The following VHL variants were observed in gnomAD, a reference collection of about 807,000 sequenced individuals.
VHL encodes von Hippel-Lindau tumor suppressor.
A neutral mutation model predicts 19.2 loss-of-function variants in VHL; 10 were observed. That is an observed-to-expected ratio of 0.52 (90% CI 0.32 to 0.89). VHL has a LOEUF of 0.89. VHL is among the 40% of genes least tolerant of loss of function. The pLI is 0.03. For missense variants in VHL, 328 were observed against 292.7 expected, an observed-to-expected ratio of 1.12 and a Z score of -0.88; for synonymous variants, 167 against 129.5, an observed-to-expected ratio of 1.29 and a Z score of -1.97.
intron 2 of VHL, among the ~76,000 whole-genome samples, chr3:10,148,439 CA>C (rs1315542642): frequency 2.0e-5 from 3 of 148,454 alleles, no homozygotes; most frequent in East Asian, 4.0e-4. Context: ...CTCAGCCTCC[CA>C]AGTAGCTGGG....
rs876659313 is a variant in VHL, at chr3:10,146,624, A to G, written c.451A>G (p.Ile151Val). 1 of 1,613,892 alleles carries G rather than the reference A, an allele frequency of 6.2e-7. No homozygotes were observed. The highest frequency in any genetic ancestry group is 8.5e-7 in the Non-Finnish European group (1 of 1,179,822). Residue 151 changes from isoleucine to valine, a missense_variant, in exon 2 of 3, where the codon ATC (isoleucine) becomes GTC (valine). Transcript: ENST00000256474. Reference protein sequence around the residue: ...NVDGQPIFANITLPVYTLKER... With the variant: ...NVDGQPIFANVTLPVYTLKER... ...TGACGGACAGCCTATTTTTGCCAAT[A>G]TCACACTGCCAGGTACTGACGTTTT...
chr3:10,146,657 A>G lies in VHL; in HGVS notation c.463+21A>G, dbSNP rs1696268316. ...GCCAGGTACTGACGTTTTACTTTTT[A>G]AAAAGATAAGGTTGTTGTGGTAAGT... On this transcript the variant is annotated intron_variant, in intron 2 of 2. Coordinates refer to ENST00000256474, the MANE Select transcript of VHL (RefSeq NM_000551.4). 6 of 1,612,718 alleles carry G rather than the reference A, an allele frequency of 3.7e-6. No individual in the cohort carries two copies. Among genetic ancestry groups the G allele is most frequent in the East Asian group, 4.5e-5 (2 of 44,842 alleles).
chr3:10,142,340 T>TC, intron 1 of VHL, among the ~76,000 whole-genome samples, 153 bp downstream of exon 1: 1 of 108,560 alleles, frequency 9.2e-6, no homozygotes, highest in African/African-American at 4.1e-5. Context: ...GTCAGAGCAT[T>TC]CTTTTTTTTT....
chr3:10,143,534 G>A (rs1210396643), intron 1 of VHL, among the ~76,000 whole-genome samples: 1 of 152,114 alleles, frequency 6.6e-6, no homozygotes, highest in African/African-American at 2.4e-5. Flanking sequence ...TGCAATCTCC[G>A]ACTCCCTGGT....
intron 1 of VHL, among the ~76,000 whole-genome samples, chr3:10,144,934 A>C (rs574959837): frequency 2.0e-5 from 3 of 152,168 alleles, no homozygotes; most frequent in African/African-American, 7.2e-5. Context: ...TACATTTAAA[A>C]ATGGTTAAAA....
chr3:10,142,940 G>A lies in VHL; in HGVS notation c.340+753G>A, dbSNP rs2125126065. On this transcript the variant is annotated intron_variant, in intron 1 of 2. Coordinates refer to ENST00000256474, the MANE Select transcript of VHL (RefSeq NM_000551.4). ...TACCTGCCTGCTGGGAGATGGAGGG[G>A]TTGCGGTTGTGTGGTTTCAGTTAAG... 1 of 152,748 alleles carries A rather than the reference G, an allele frequency of 6.5e-6. No individual in the cohort carries two copies. The highest frequency in any genetic ancestry group is 2.1e-4 in the South Asian group (1 of 4,842). The allele number at this position is 152,748 out of a possible 1,614,324, so 9.5% of individuals were successfully genotyped here. A position where few individuals can be genotyped will look rare whatever the true frequency, so the allele number is the denominator to read the frequency against.
chr3:10,142,341 C>CTTTTTT lies in VHL; in HGVS notation c.340+169_340+174dup, dbSNP rs556405301. On this transcript the variant is annotated intron_variant, in intron 1 of 2. Transcript: ENST00000256474. ...CGCTGCTCGTAAGCGTCAGAGCATTCTTTTTTTTTTTTTTTTTTTTCTGAG... is the reference window on the plus strand; with the variant it reads ...CGCTGCTCGTAAGCGTCAGAGCATTCTTTTTTTTTTTTTTTTTTTTTTTTTTCTGAG... Among the ~76,000 whole-genome samples the CTTTTTT allele has an allele frequency of 6.0e-4, 65 of 107,894 alleles. 2 individuals carry two copies. Among genetic ancestry groups the CTTTTTT allele is most frequent in the Non-Finnish European group, 8.2e-4 (47 of 57,294 alleles). The allele number at this position is 107,894 out of a possible 152,430, so 70.8% of individuals were successfully genotyped here. A position where few individuals can be genotyped will look rare whatever the true frequency, so the allele number is the denominator to read the frequency against.
At chr3:10,145,251 C>T (rs1469823299) in intron 1 of VHL, among the ~76,000 whole-genome samples, 1 of 151,992 alleles carries the variant, frequency 6.6e-6, no homozygotes, top group Non-Finnish European at 1.5e-5. Flanking sequence ...TAAAAAATTA[C>T]AAGTTTACAT....
Position 10,142,275 on chromosome 3 carries a change from G to A in VHL, c.340+88G>A, listed in dbSNP as rs1696143771. The A allele has an allele frequency of 2.7e-6, 4 of 1,466,936 alleles. No individual in the cohort carries two copies. In the South Asian group the frequency reaches 3.6e-5, roughly 13 times the overall value. 90.9% of individuals were successfully genotyped at this position (1,466,936 alleles called of 1,614,324 possible). A position where few individuals can be genotyped will look rare whatever the true frequency, so the allele number is the denominator to read the frequency against. ...CCGCCCCGGGGTCCATTTTGCAGAC[G>A]GGGAACTGAGGCCCCTTGAGGCAGG... On this transcript the variant is annotated intron_variant, in intron 1 of 2. Transcript: ENST00000256474.
Position 10,141,895 on chromosome 3 carries a change from G to A in VHL, c.48G>A (p.Glu16=), listed in dbSNP as rs1057522140. Residue 16 remains glutamate, a synonymous_variant, in exon 1 of 3, where the codon GAG becomes GAA. Coordinates refer to ENST00000256474, the MANE Select transcript of VHL (RefSeq NM_000551.4). ...ENWDEAEVGA[E]EAGVEEYGPE... ...GGGACGAGGCCGAGGTAGGCGCGGA[G>A]GAGGCAGGCGTCGAAGAGTACGGCC... 8 of 1,532,586 alleles carry A rather than the reference G, an allele frequency of 5.2e-6. 1 individual carries two copies. The Admixed American group carries it at 1.4e-4, about 27-fold the overall frequency. The allele number at this position is 1,532,586 out of a possible 1,614,324, so 94.9% of individuals were successfully genotyped here. A position where few individuals can be genotyped will look rare whatever the true frequency, so the allele number is the denominator to read the frequency against.
rs971049293 is a variant in VHL, at chr3:10,151,164, G to A, written c.*1199G>A. ...CAAAATGGTGGGATTACAGGTGTGTGGGCCACCGTGCCTGGCTGATTCAGC... is the reference window on the plus strand; with the variant it reads ...CAAAATGGTGGGATTACAGGTGTGTAGGCCACCGTGCCTGGCTGATTCAGC... On this transcript the variant is annotated 3_prime_UTR_variant, in exon 3 of 3. Coordinates refer to ENST00000256474, the MANE Select transcript of VHL (RefSeq NM_000551.4). 1.0e-5 allele frequency: 2 copies of A among 192,866 alleles called. No individual in the cohort carries two copies. Among genetic ancestry groups the A allele is most frequent in the East Asian group, 8.3e-5 (1 of 12,040 alleles). The allele number at this position is 192,866 out of a possible 1,614,324, so 11.9% of individuals were successfully genotyped here. A position where few individuals can be genotyped will look rare whatever the true frequency, so the allele number is the denominator to read the frequency against.
intron 2 of VHL, among the ~76,000 whole-genome samples, chr3:10,147,999 G>C (rs920277083): frequency 1.3e-5 from 2 of 151,940 alleles, no homozygotes; most frequent in African/African-American, 4.8e-5. Flanking sequence ...GGGAGGCTTA[G>C]GTGGGAGGAT....
chr3:10,149,362 G>A (rs571054905), intron 2 of VHL, among the ~76,000 whole-genome samples: 1 of 152,104 alleles, frequency 6.6e-6, no homozygotes, highest in Admixed American at 6.6e-5. Flanking sequence ...ATCTACTGAC[G>A]TTGGCCTCCC....
rs755146587 is a variant in VHL at position 10,149,855 on chromosome 3, C to T, written c.532C>T (p.Leu178=). The T allele has an allele frequency of 5.6e-6, 9 of 1,614,196 alleles. No individual in the cohort carries two copies. The highest frequency in any genetic ancestry group is 2.2e-5 in the East Asian group (1 of 44,884). The change falls in exon 3 of 3, where the codon CTG becomes TTG. Residue 178 remains leucine, a synonymous_variant. Transcript: ENST00000256474. The part of the protein sequence containing the change: ...SLVKPENYRR[L]DIVRSLYEDL... Reference sequence around the variant, plus strand: ...AGTCAAGCCTGAGAATTACAGGAGACTGGACATCGTCAGGTCGCTCTACGA... The same window carrying T: ...AGTCAAGCCTGAGAATTACAGGAGATTGGACATCGTCAGGTCGCTCTACGA...
In VHL at chr3:10,152,892, C is replaced by A. The variant is rs1422311445; in HGVS notation, c.*2927C>A. On this transcript the variant is annotated 3_prime_UTR_variant, in exon 3 of 3. Coordinates refer to ENST00000256474, the MANE Select transcript of VHL (RefSeq NM_000551.4). The stretch of plus-strand genomic sequence containing the variant: ...GCACAGTGGCTCATGCCTGTAATCC[C>A]AGCATTTTGGGAGACCAAGGCGGAT... Among the ~76,000 whole-genome samples, 1 of 152,162 alleles carries A rather than the reference C, an allele frequency of 6.6e-6. No individual in the cohort carries two copies. Among genetic ancestry groups the A allele is most frequent in the Non-Finnish European group, 1.5e-5 (1 of 68,032 alleles).
intron 2 of VHL, among the ~76,000 whole-genome samples, chr3:10,149,168 A>G (rs1310861277): frequency 2.7e-5 from 4 of 147,358 alleles, no homozygotes; most frequent in Non-Finnish European, 4.5e-5. Flanking sequence ...GTTGGAGTGC[A>G]GTGGCATGAT....
rs745338799 is a variant in VHL, at chr3:10,141,920, C to G, written c.73C>G (p.Pro25Ala). 1.4e-5 allele frequency: 22 copies of G among 1,539,448 alleles called. No individual in the cohort carries two copies. The highest frequency in any genetic ancestry group is 2.0e-5 in the Admixed American group (1 of 50,170). The change falls in exon 1 of 3, where the codon CCT becomes GCT. Residue 25 changes from proline to alanine, a missense_variant. Pro to Ala is a conservative substitution (Grantham distance 27, BLOSUM62 -1). Coordinates refer to ENST00000256474, the MANE Select transcript of VHL (RefSeq NM_000551.4). Reference protein sequence around the residue: ...AEEAGVEEYGPEEDGGEESGA... With the variant: ...AEEAGVEEYGAEEDGGEESGA... Reference sequence around the variant, plus strand: ...GGAGGCAGGCGTCGAAGAGTACGGCCCTGAAGAAGACGGCGGGGAGGAGTC... The same window carrying G: ...GGAGGCAGGCGTCGAAGAGTACGGCGCTGAAGAAGACGGCGGGGAGGAGTC...
Position 10,151,421 on chromosome 3 carries a change from A to T in VHL, c.*1456A>T. 4.5e-6 allele frequency: 1 copy of T among 222,628 alleles called. No individual in the cohort carries two copies. Among genetic ancestry groups the T allele is most frequent in the East Asian group, 6.6e-5 (1 of 15,094 alleles). 13.8% of individuals were successfully genotyped at this position (222,628 alleles called of 1,614,324 possible). ...CTCCTTCCCTAATAGCTTTTTAAAAAAATCTCCCCAGTAGAGAAACATTTG... is the reference window on the plus strand; with the variant it reads ...CTCCTTCCCTAATAGCTTTTTAAAATAATCTCCCCAGTAGAGAAACATTTG... On this transcript the variant is annotated 3_prime_UTR_variant, in exon 3 of 3. Transcript: ENST00000256474.
chr3:10,147,656 C>T (rs182931000), intron 2 of VHL, among the ~76,000 whole-genome samples: 5 of 151,568 alleles, frequency 3.3e-5, no homozygotes, highest in Admixed American at 2.6e-4. Context: ...TGAGCCACTG[C>T]GTCCAGCCTG....
Sources: allele counts gnomAD v4.1 joint callset (sites outside exome capture counted in the v4.1 genomes callset), GRCh38; gene constraint gnomAD v4.1.1; transcripts MANE v1.5; gene names NCBI Gene and HGNC (gene_info 2026-07-23, HGNC 2026-07-21).